The following PRRT4 variants were observed in gnomAD, a reference collection of about 807,000 sequenced individuals.
The protein encoded by PRRT4 is proline rich transmembrane protein 4.
PRRT4 carries 59 observed loss-of-function variants against 55.6 expected under a neutral mutation model. That is an observed-to-expected ratio of 1.06 (90% confidence interval 0.86 to 1.32). PRRT4 has a LOEUF of 1.32. PRRT4 is among the 40% of genes most tolerant of loss of function. The probability of loss-of-function intolerance (pLI) is 0.00; values close to 1 mark genes in which losing one functional copy is unlikely to be tolerated. For synonymous variants in PRRT4, 606 were observed against 601.8 expected, an observed-to-expected ratio of 1.01 and a Z score of -0.10; for missense variants, 1,217 against 1,222.0, an observed-to-expected ratio of 1.00 and a Z score of 0.06.
chr7:128,351,516 C>T, exon 5 of PRRT4: 2 of 1,491,078 alleles, frequency 1.3e-6, no homozygotes, highest in Non-Finnish European at 1.8e-6. Context: ...CTGGCCCTGC[C>T]AGCGCGCACA....
chr7:128,359,798 G>A (rs1320102847), exon 2 of PRRT4: 3 of 1,531,742 alleles, frequency 2.0e-6, no homozygotes, highest in Non-Finnish European at 2.6e-6. Context: ...CCCCCAGACA[G>A]CAGCAGGTCC....
At chr7:128,351,229 C>A in exon 5 of PRRT4, 1 of 1,539,966 alleles carries the variant, frequency 6.5e-7, no homozygotes, top group South Asian at 1.2e-5. Flanking sequence ...CTCCCCTGAT[C>A]TCTCACTGGC....
At chr7:128,353,745 T>A (rs961180957) in intron 4 of PRRT4, among the ~76,000 whole-genome samples, 1 of 152,182 alleles carries the variant, frequency 6.6e-6, no homozygotes, top group Non-Finnish European at 1.5e-5. Context: ...GGAGAAACTC[T>A]TGGGGACATC....
rs1374806619 is a variant in PRRT4, at chr7:128,358,764, G to T, written c.794C>A (p.Ser265Tyr). 5 of 1,551,420 alleles carry T rather than the reference G, an allele frequency of 3.2e-6. No individual in the cohort carries two copies. Among genetic ancestry groups the T allele is most frequent in the Non-Finnish European group, 1.7e-6 (2 of 1,146,840 alleles). The change falls in exon 4 of 5, where the codon TCC becomes TAC. Residue 265 changes from serine to tyrosine, a missense_variant. Transcript: ENST00000535159. This position sits in a 1 kb window ranked among gnomAD's most constrained non-coding sequence, Gnocchi z 4.4. ...TGGGCTGGAGAGCTTCCTCTCCAGG[G>T]AGTATGGGGGCAGGGACAGAGTGGT...
rs1796987056 is a variant in PRRT4 at position 128,351,926 on chromosome 7, C to T, written c.1630G>A (p.Gly544Arg). The change falls in exon 5 of 5, where the codon GGG becomes AGG. Residue 544 changes from glycine (G) to arginine (R), a missense_variant. Around this residue, in one of 3 missense-constraint regions of PRRT4, gnomAD observed 642 missense variants for 600.9 expected, o/e 1.07. Transcript: ENST00000535159. ...TCCCGAGGGGCGAAGGGGCTGCGCC[C>T]CTGCGGCAGGGGTGTGGCGCCCTTG... 2 of 1,300,968 alleles carry T rather than the reference C, an allele frequency of 1.5e-6. No homozygotes were observed. Among genetic ancestry groups the T allele is most frequent in the Non-Finnish European group, 1.9e-6 (2 of 1,030,036 alleles). 80.6% of individuals were successfully genotyped at this position (1,300,968 alleles called of 1,614,324 possible). A position where few individuals can be genotyped will look rare whatever the true frequency, so the allele number is the denominator to read the frequency against.
At chr7:128,359,612 A>G (rs1797196854) in exon 2 of PRRT4, 3 of 1,525,486 alleles carry the variant, frequency 2.0e-6, no homozygotes, top group Non-Finnish European at 2.6e-6. Flanking sequence ...CTCCGGAAGC[A>G]GGGAGGAGGC....
chr7:128,352,291 T>C (rs528511964), exon 5 of PRRT4: 28 of 1,543,364 alleles, frequency 1.8e-5, no homozygotes, highest in South Asian at 1.8e-4. Context: ...CCTGTGCCCA[T>C]AGGCGTCGTA....
chr7:128,359,179 T>C, exon 3 of PRRT4: 1 of 1,551,722 alleles, frequency 6.4e-7, no homozygotes, highest in Non-Finnish European at 8.7e-7. Flanking sequence ...GAGGCAGAGC[T>C]TGTGGATGTA....
Position 128,351,043 on chromosome 7 carries a change from C to T in PRRT4, c.2513G>A (p.Arg838Gln), listed in dbSNP as rs902708088. ...GAGGCTGGGGCTGCTTCCTGAGGGC[C>T]GCGGGGGACTGAGGACGCAGACCAG... The change falls in exon 5 of 5, where the codon CGG becomes CAG. Residue 838 changes from arginine (R) to glutamine (Q), a missense_variant. This residue lies in a region of PRRT4 where 642 missense variants were observed against 600.9 expected (regional missense o/e 1.07). Transcript: ENST00000535159. The T allele has an allele frequency of 1.4e-5, 22 of 1,549,088 alleles. 1 individual carries two copies. Among genetic ancestry groups the T allele is most frequent in the Non-Finnish European group, 1.8e-5 (21 of 1,146,802 alleles).
At chr7:128,352,998 C>T (rs755732892) in intron 4 of PRRT4, among the ~76,000 whole-genome samples, 3 of 152,094 alleles carry the variant, frequency 2.0e-5, no homozygotes, top group Non-Finnish European at 2.9e-5. Context: ...CAGAACTTTA[C>T]AACTGGAAGG....
At chr7:128,355,390 A>T (rs1392004900) in intron 4 of PRRT4, among the ~76,000 whole-genome samples, 1 of 152,020 alleles carries the variant, frequency 6.6e-6, no homozygotes, top group Non-Finnish European at 1.5e-5. Flanking sequence ...TAGAGATGGA[A>T]TTTCACCATA....
chr7:128,359,557 G>A (rs1275301930), exon 2 of PRRT4: 2 of 1,492,594 alleles, frequency 1.3e-6, no homozygotes, highest in Non-Finnish European at 1.8e-6. Flanking sequence ...TGGGCTGATA[G>A]GGGGCAGTGG....
chr7:128,353,429 G>C (rs1313337018), intron 4 of PRRT4, among the ~76,000 whole-genome samples: 1 of 151,850 alleles, frequency 6.6e-6, no homozygotes. Flanking sequence ...TCAAGGAAAA[G>C]CCCACACATG....
rs1259674537 is a variant in PRRT4 at position 128,351,964 on chromosome 7, C to A, written c.1592G>T (p.Gly531Val). The A allele has an allele frequency of 2.3e-6, 3 of 1,301,030 alleles. No homozygotes were observed. The African/African-American group carries it at 4.6e-5, about 20-fold the overall frequency. The allele number at this position is 1,301,030 out of a possible 1,614,324, so 80.6% of individuals were successfully genotyped here. A position where few individuals can be genotyped will look rare whatever the true frequency, so the allele number is the denominator to read the frequency against. ...TGTGGCGCCCTTGAAGCCCGACCCT[C>A]CCAGGGGCGCCCCGGCCCGCCGCCG... The change falls in exon 5 of 5, where the codon GGA (glycine) becomes GTA (valine). Residue 531 changes from glycine (G) to valine (V), a missense_variant. By Grantham distance (109) the Gly-to-Val change is moderately radical. Around this residue, in one of 3 missense-constraint regions of PRRT4, gnomAD observed 642 missense variants for 600.9 expected, o/e 1.07. Coordinates refer to ENST00000535159, the Ensembl canonical transcript of PRRT4.
chr7:128,354,495 C>T (rs949567017), intron 4 of PRRT4, among the ~76,000 whole-genome samples: 2 of 151,746 alleles, frequency 1.3e-5, no homozygotes, highest in African/African-American at 4.8e-5. Context: ...ACCGGGGAGG[C>T]GGAGGTTGCA....
At chr7:128,351,948 C>T (rs775628465) in exon 5 of PRRT4, 187 of 1,295,116 alleles carry the variant, frequency 1.4e-4, no homozygotes, top group South Asian at 5.7e-4. Flanking sequence ...GTGTGGCGCC[C>T]TTGAAGCCCG....
chr7:128,360,845 G>T (rs1001272511), intron 1 of PRRT4, among the ~76,000 whole-genome samples: 1 of 151,984 alleles, frequency 6.6e-6, no homozygotes, highest in Non-Finnish European at 1.5e-5. Context: ...TCTCTCCTCT[G>T]TGCGCACACA....
chr7:128,351,169 G>C, exon 5 of PRRT4: 1 of 1,545,068 alleles, frequency 6.5e-7, no homozygotes, highest in Non-Finnish European at 8.7e-7. Flanking sequence ...GCTGCCTGCG[G>C]GCCAAGCCCC....
rs573263452 is a variant in PRRT4, at chr7:128,359,624, C to T, written c.368G>A (p.Arg123Gln). The T allele has an allele frequency of 3.2e-5, 49 of 1,535,534 alleles. No homozygotes were observed. Among genetic ancestry groups the T allele is most frequent in the East Asian group, 4.9e-5 (2 of 40,794 alleles). Residue 123 changes from arginine to glutamine, a missense_variant, in exon 2 of 5, where the codon CGG becomes CAG. Around this residue, in one of 3 missense-constraint regions of PRRT4, gnomAD observed 564 missense variants for 592.9 expected, o/e 0.95. Coordinates refer to ENST00000535159, the Ensembl canonical transcript of PRRT4. ...GGACTCCGGAAGCAGGGAGGAGGCC[C>T]GGGGCTTTGAGCCACCTTCGGTGGA...
Sources: gnomAD v4.1 joint callset for allele counts (sites outside exome capture counted in the v4.1 genomes callset) on GRCh38, gnomAD v4.1.1 for gene constraint, gnomAD v4.1.1 regional missense constraint, Gnocchi (gnomAD v3.1) non-coding constraint, MANE v1.5 for transcripts, NCBI Gene and HGNC (gene_info 2026-07-23, HGNC 2026-07-21) for gene names.